ARHGAP15: variants seen among roughly 807,000 people sequenced by gnomAD.
The protein encoded by ARHGAP15 is rho GTPase-activating protein 15.
Under a neutral mutation model 63.7 loss-of-function variants are expected in ARHGAP15, and 51 were observed. That is an observed-to-expected ratio of 0.80 (90% confidence interval 0.64 to 1.01). The LOEUF (loss-of-function observed/expected upper bound fraction) is 1.01, where lower values mean the gene tolerates loss of function less well. ARHGAP15 is among the 50% of genes least tolerant of loss of function. The probability of loss-of-function intolerance (pLI) is 0.00; values close to 1 mark genes in which losing one functional copy is unlikely to be tolerated. For missense variants in ARHGAP15, 560 were observed against 564.6 expected, an observed-to-expected ratio of 0.99 and a Z score of 0.08; for synonymous variants, 191 against 193.8, an observed-to-expected ratio of 0.99 and a Z score of 0.12.
intron 13 of ARHGAP15, among the ~76,000 whole-genome samples, chr2:143,756,370 C>T (rs916668927): frequency 1.3e-5 from 2 of 152,100 alleles, no homozygotes; most frequent in Non-Finnish European, 2.9e-5. Flanking sequence ...ATATTACTAG[C>T]ACATACTAGT....
intron 13 of ARHGAP15, among the ~76,000 whole-genome samples, chr2:143,717,275 T>C (rs573899053): frequency 4.7e-4 from 72 of 152,336 alleles, no homozygotes; most frequent in African/African-American, 1.6e-3. Context: ...TGCTGTTGTC[T>C]CTCGGTCTGT....
intron 6 of ARHGAP15, among the ~76,000 whole-genome samples, chr2:143,333,787 T>C (rs989275331): frequency 1.3e-5 from 2 of 152,094 alleles, no homozygotes; most frequent in East Asian, 1.9e-4. Context: ...AATATAGATA[T>C]AGAAGAAACA....
chr2:143,265,236 T>G (rs1354124271), intron 6 of ARHGAP15, among the ~76,000 whole-genome samples: 1 of 145,302 alleles, frequency 6.9e-6, no homozygotes, highest in South Asian at 2.2e-4. Context: ...TTTTTTTTTT[T>G]AATAGAACGA....
chr2:143,325,107 T>C (rs1045392733), intron 6 of ARHGAP15, among the ~76,000 whole-genome samples: 1 of 152,276 alleles, frequency 6.6e-6, no homozygotes, highest in African/African-American at 2.4e-5. Context: ...CAGCTAAACA[T>C]ACACCATTTT....
rs565733602 is a variant in ARHGAP15 at position 143,232,824 on chromosome 2, T to C, written c.384+4156T>C. The stretch of plus-strand genomic sequence containing the variant: ...TTAATTCATATAAATGGAATCCTAG[T>C]GTATGTTTCTTTTGTTTCTTGCTTC... On this transcript the variant is annotated intron_variant, in intron 5 of 13. Coordinates refer to ENST00000295095, the MANE Select transcript of ARHGAP15 (RefSeq NM_018460.4). Among the ~76,000 whole-genome samples, 75 of 152,300 alleles carry C rather than the reference T, an allele frequency of 4.9e-4. 1 individual carries two copies. The South Asian group carries it at 9.1e-3, about 19-fold the overall frequency.
At chr2:143,646,465 A>C (rs1419738164) in intron 12 of ARHGAP15, among the ~76,000 whole-genome samples, 3 of 151,786 alleles carry the variant, frequency 2.0e-5, no homozygotes, top group African/African-American at 7.3e-5. Flanking sequence ...ATTGTTGATT[A>C]CTATACACCA....
chr2:143,406,071 T>C (rs1234949780), intron 6 of ARHGAP15, among the ~76,000 whole-genome samples: 1 of 151,944 alleles, frequency 6.6e-6, no homozygotes. Flanking sequence ...TCATTTTATT[T>C]CAATTTTCTT....
intron 5 of ARHGAP15, among the ~76,000 whole-genome samples, chr2:143,238,845 A>G (rs1327667575): frequency 6.6e-6 from 1 of 152,236 alleles, no homozygotes; most frequent in African/African-American, 2.4e-5. Context: ...CATATAGACC[A>G]TGGAATACTG....
chr2:143,409,502 A>T (rs2105018142), intron 6 of ARHGAP15, among the ~76,000 whole-genome samples: 1 of 152,168 alleles, frequency 6.6e-6, no homozygotes, highest in Admixed American at 6.5e-5. Flanking sequence ...ACGTTACATG[A>T]TTTAAGATCA....
rs58194704 is a variant in ARHGAP15, at chr2:143,407,987, GTATATATATATA to G, written c.475-27580_475-27569del. ...TTTTTAAAGTCTGACTTCTGTGTGT[GTATATATATATA>G]TATATATATATATATATATATATAT... On this transcript the variant is annotated intron_variant, in intron 6 of 13. Coordinates refer to ENST00000295095, the MANE Select transcript of ARHGAP15 (RefSeq NM_018460.4). Among the ~76,000 whole-genome samples the G allele has an allele frequency of 6.4e-3, 493 of 77,476 alleles. 6 individuals are homozygous for G. Among genetic ancestry groups the G allele is most frequent in the Middle Eastern group, 0.011 (1 of 94 alleles). The allele number at this position is 77,476 out of a possible 152,430, so 50.8% of individuals were successfully genotyped here.
intron 8 of ARHGAP15, among the ~76,000 whole-genome samples, chr2:143,454,830 G>A (rs766263528): frequency 2.6e-5 from 4 of 152,012 alleles, no homozygotes; most frequent in Non-Finnish European, 4.4e-5. Flanking sequence ...CAAAGATGAC[G>A]TAAACTCTAA....
chr2:143,537,072 GGT>G (rs1694805796), intron 10 of ARHGAP15, among the ~76,000 whole-genome samples: 3 of 152,132 alleles, frequency 2.0e-5, no homozygotes, highest in Admixed American at 2.0e-4. Flanking sequence ...CATTCTAACT[GGT>G]GTGAGATGGT....
At chr2:143,495,477 A>G (rs560130909) in intron 9 of ARHGAP15, among the ~76,000 whole-genome samples, 1 of 152,032 alleles carries the variant, frequency 6.6e-6, no homozygotes, top group Non-Finnish European at 1.5e-5. Flanking sequence ...AACTACACTC[A>G]CTTATATAGT....
chr2:143,356,266 G>A (rs1028252181), intron 6 of ARHGAP15, among the ~76,000 whole-genome samples: 3 of 152,098 alleles, frequency 2.0e-5, no homozygotes, highest in Non-Finnish European at 2.9e-5. Flanking sequence ...AGAAGTTAGC[G>A]TGGAATGTTG....
chr2:143,471,060 T>C (rs1175274418), intron 8 of ARHGAP15, among the ~76,000 whole-genome samples: 1 of 149,628 alleles, frequency 6.7e-6, no homozygotes, highest in African/African-American at 2.5e-5. Context: ...TGTGCATATA[T>C]ACACATATGA....
chr2:143,278,619 T>C (rs1681685812), intron 6 of ARHGAP15, among the ~76,000 whole-genome samples: 1 of 152,192 alleles, frequency 6.6e-6, no homozygotes, highest in Non-Finnish European at 1.5e-5. Context: ...TTTTTTTCCA[T>C]TCCCTAATGT....
chr2:143,307,809 TTTC>T (rs1683244862), intron 6 of ARHGAP15, among the ~76,000 whole-genome samples: 1 of 152,220 alleles, frequency 6.6e-6, no homozygotes, highest in South Asian at 2.1e-4. Flanking sequence ...TTTGAAATAT[TTTC>T]TTTTTTCTAC....
At chr2:143,598,466 T>A (rs1697616982) in intron 11 of ARHGAP15, among the ~76,000 whole-genome samples, 1 of 152,176 alleles carries the variant, frequency 6.6e-6, no homozygotes, top group Non-Finnish European at 1.5e-5. Flanking sequence ...ATGGTCACCA[T>A]CCGCTGTAAG....
Position 143,163,289 on chromosome 2 carries a change from A to T in ARHGAP15, c.165+7634A>T, listed in dbSNP as rs185552338. Among the ~76,000 whole-genome samples the T allele has an allele frequency of 4.6e-5, 7 of 152,028 alleles. No individual in the cohort carries two copies. The East Asian group carries it at 1.4e-3, about 30-fold the overall frequency. On this transcript the variant is annotated intron_variant, in intron 2 of 13. Transcript: ENST00000295095. ...ATCTTTGCTTGTGTGATGGCACAAT[A>T]ACATTTTTGCAGGCCTCCATAATAA...
Sources: gnomAD v4.1 joint callset for allele counts (sites outside exome capture counted in the v4.1 genomes callset) on GRCh38, gnomAD v4.1.1 for gene constraint, MANE v1.5 for transcripts, NCBI Gene and HGNC (gene_info 2026-07-23, HGNC 2026-07-21) for gene names.